Variants in RIMS2 observed in about 807,000 individuals in gnomAD.
RIMS2 encodes the protein regulating synaptic membrane exocytosis protein 2.
RIMS2 carries 59 observed loss-of-function variants against 174.4 expected under a neutral mutation model. The observed-to-expected ratio is 0.34, with a 90% CI of 0.27 to 0.42. The LOEUF (loss-of-function observed/expected upper bound fraction) is 0.42, where lower values mean the gene tolerates loss of function less well. RIMS2 is among the 10% of genes least tolerant of loss of function. The pLI is 1.00. For synonymous variants in RIMS2, 606 were observed against 572.5 expected (o/e 1.06, Z -0.84); for missense variants, 1,620 against 1,666.3 (o/e 0.97, Z 0.48).
chr8:103,897,929 T>G (rs532046470), intron 4 of RIMS2, among the ~76,000 whole-genome samples: 1 of 151,810 alleles, frequency 6.6e-6, no homozygotes, highest in South Asian at 2.1e-4. Context: ...CTGGAAGCCT[T>G]CTGTATTCTT....
At chr8:103,754,753 C>A (rs1304537590) in intron 2 of RIMS2, among the ~76,000 whole-genome samples, 1 of 151,968 alleles carries the variant, frequency 6.6e-6, no homozygotes, top group South Asian at 2.1e-4. Flanking sequence ...GATTATAACC[C>A]CTGCTTTTTT....
At chr8:103,767,898 C>T (rs1326800841) in intron 3 of RIMS2, among the ~76,000 whole-genome samples, 1 of 152,144 alleles carries the variant, frequency 6.6e-6, no homozygotes, top group African/African-American at 2.4e-5. Flanking sequence ...ATATAGAGGA[C>T]AAGGAAGTTG....
intron 3 of RIMS2, among the ~76,000 whole-genome samples, chr8:103,874,970 G>T (rs1159561659): frequency 6.6e-6 from 1 of 151,944 alleles, no homozygotes; most frequent in Admixed American, 6.6e-5. Context: ...TTGTTTGTTT[G>T]TTTGTTTCTT....
chr8:103,727,237 A>G (rs1238370025), intron 2 of RIMS2, among the ~76,000 whole-genome samples: 1 of 152,068 alleles, frequency 6.6e-6, no homozygotes, highest in Non-Finnish European at 1.5e-5. Flanking sequence ...AAATAATAAT[A>G]GTTTACCTTC....
chr8:103,605,840 G>C (rs1185286220), intron 1 of RIMS2, among the ~76,000 whole-genome samples: 1 of 151,326 alleles, frequency 6.6e-6, no homozygotes, highest in African/African-American at 2.4e-5. Context: ...TCGGATTGGT[G>C]GTGATATCCC....
intron 9 of RIMS2, chr8:103,921,075 C>A (rs911238061): frequency 2.9e-5 from 6 of 203,968 alleles, no homozygotes; most frequent in Non-Finnish European, 1.0e-5. Context: ...TGTTCTGAAT[C>A]TCAATGAATA....
intron 19 of RIMS2, among the ~76,000 whole-genome samples, chr8:104,044,885 A>G (rs886321223): frequency 2.6e-5 from 4 of 151,824 alleles, no homozygotes; most frequent in Non-Finnish European, 5.9e-5. Flanking sequence ...AAGTAAGAGT[A>G]AAGAGAGAAT....
At chr8:103,731,427 G>A (rs2097593029) in intron 2 of RIMS2, among the ~76,000 whole-genome samples, 1 of 152,042 alleles carries the variant, frequency 6.6e-6, no homozygotes, top group African/African-American at 2.4e-5. Flanking sequence ...ATGTTTTGAG[G>A]TAGTCTTCTT....
chr8:103,669,891 T>C (rs561957278), intron 1 of RIMS2, among the ~76,000 whole-genome samples: 178 of 152,346 alleles, frequency 1.2e-3, no homozygotes, highest in Non-Finnish European at 1.9e-3. Context: ...TTCTGGGGTC[T>C]GGAGGATGGT....
intron 1 of RIMS2, among the ~76,000 whole-genome samples, chr8:103,526,023 A>C (rs1833821137): frequency 6.6e-6 from 1 of 152,232 alleles, no homozygotes; most frequent in Non-Finnish European, 1.5e-5. Context: ...TCTTTCTACT[A>C]TGGGAATCTC....
intron 2 of RIMS2, among the ~76,000 whole-genome samples, chr8:103,762,097 T>C (rs1406851058): frequency 1.3e-5 from 2 of 151,946 alleles, no homozygotes; most frequent in South Asian, 2.1e-4. Context: ...AAAAAAGATA[T>C]TTGTATTTTC....
chr8:103,961,733 C>A (rs1205748959), intron 15 of RIMS2, among the ~76,000 whole-genome samples: 1 of 151,890 alleles, frequency 6.6e-6, no homozygotes, highest in Non-Finnish European at 1.5e-5. Flanking sequence ...TATTCTATTC[C>A]TTTTGAAGGT....
chr8:104,007,161 A>T (rs1217582965), intron 17 of RIMS2, among the ~76,000 whole-genome samples: 3 of 152,176 alleles, frequency 2.0e-5, no homozygotes, highest in African/African-American at 4.8e-5. Flanking sequence ...CATTGTTTGT[A>T]TGCTTCTGAA....
chr8:103,520,849 T>C (rs754379266), intron 1 of RIMS2, among the ~76,000 whole-genome samples: 1 of 152,120 alleles, frequency 6.6e-6, no homozygotes, highest in Non-Finnish European at 1.5e-5. Flanking sequence ...GGAGCTCTGA[T>C]TACCTTATAT....
chr8:104,053,451 G>A (rs2096821868), intron 19 of RIMS2, among the ~76,000 whole-genome samples: 1 of 152,050 alleles, frequency 6.6e-6, no homozygotes, highest in Non-Finnish European at 1.5e-5. Flanking sequence ...TCTTCTCTTG[G>A]GAGATTCAGT....
At chr8:104,245,520 G>A (rs921238555) in intron 20 of RIMS2, among the ~76,000 whole-genome samples, 11 of 152,100 alleles carry the variant, frequency 7.2e-5, no homozygotes, top group Non-Finnish European at 1.6e-4. Flanking sequence ...AAATATAACA[G>A]CCAAAAAGAA....
At chr8:103,693,366 T>C (rs192986109) in intron 1 of RIMS2, among the ~76,000 whole-genome samples, 1 of 152,332 alleles carries the variant, frequency 6.6e-6, no homozygotes, top group African/African-American at 2.4e-5. Flanking sequence ...CACTTGATCT[T>C]TGGTCCTTAT....
At chr8:104,237,597 G>T (rs896544007) in intron 19 of RIMS2, among the ~76,000 whole-genome samples, 2 of 152,102 alleles carry the variant, frequency 1.3e-5, no homozygotes, top group African/African-American at 4.8e-5. Context: ...ACCCCTGCTT[G>T]AAGCTCACCA....
intron 19 of RIMS2, among the ~76,000 whole-genome samples, chr8:104,137,468 A>G (rs2098530690): frequency 6.6e-6 from 1 of 152,186 alleles, no homozygotes; most frequent in South Asian, 2.1e-4. Context: ...AAAACTTACC[A>G]TGTGGCAAAC....
Sources: gnomAD v4.1 joint callset for allele counts (sites outside exome capture counted in the v4.1 genomes callset) on GRCh38, gnomAD v4.1.1 for gene constraint, MANE v1.5 for transcripts, NCBI Gene and HGNC (gene_info 2026-07-23, HGNC 2026-07-21) for gene names.